The following CCSER1 variants were observed in gnomAD, a reference collection of about 807,000 sequenced individuals.
The protein encoded by CCSER1 is serine-rich coiled-coil domain-containing protein 1.
Under a neutral mutation model 82.0 loss-of-function variants are expected in CCSER1, and 41 were observed. That is an observed-to-expected ratio of 0.50 (90% CI 0.39 to 0.65). The LOEUF (loss-of-function observed/expected upper bound fraction) is 0.65. Ranked by LOEUF, CCSER1 falls within the 30% of genes least tolerant of loss-of-function variation. CCSER1 has a pLI of 0.00. For missense variants in CCSER1, 1,119 were observed against 1,064.2 expected (o/e 1.05, Z -0.72); for synonymous variants, 414 against 383.9 (o/e 1.08, Z -0.92).
chr4:90,501,935 G>A (rs1279424456), intron 5 of CCSER1, among the ~76,000 whole-genome samples: 2 of 152,114 alleles, frequency 1.3e-5, no homozygotes, highest in East Asian at 3.9e-4. Flanking sequence ...ATTGCTGATA[G>A]GACTAATGTA....
At chr4:90,207,680 G>A (rs763507961) in intron 1 of CCSER1, among the ~76,000 whole-genome samples, 1 of 152,090 alleles carries the variant, frequency 6.6e-6, no homozygotes, top group Non-Finnish European at 1.5e-5. Context: ...TGGGGTTTTT[G>A]TGGGGACGTC....
intron 3 of CCSER1, among the ~76,000 whole-genome samples, chr4:90,371,258 A>C (rs1362409433): frequency 1.3e-5 from 2 of 152,050 alleles, no homozygotes; most frequent in Non-Finnish European, 2.9e-5. Context: ...AATAATTGCT[A>C]TTTTGTCTTT....
chr4:90,314,837 C>CTTTT lies in CCSER1; in HGVS notation c.1509+1814_1509+1817dup, dbSNP rs765931168. 3.0e-4 allele frequency among the ~76,000 whole-genome samples: 26 copies of CTTTT among 87,584 alleles called. 3 individuals are homozygous for CTTTT. Among genetic ancestry groups the CTTTT allele is most frequent in the Non-Finnish European group, 4.6e-4 (20 of 43,758 alleles). 57.5% of individuals were successfully genotyped at this position (87,584 alleles called of 152,430 possible). On this transcript the variant is annotated intron_variant, in intron 3 of 10. Transcript: ENST00000509176. ...CACAAAGTCACTCTTCTCAGATTTA[C>CTTTT]TTTTTTTTTTTTTTTTTTTTTTTTT...
intron 1 of CCSER1, among the ~76,000 whole-genome samples, chr4:90,191,371 G>A (rs549586725): frequency 6.6e-6 from 1 of 152,130 alleles, no homozygotes; most frequent in South Asian, 2.1e-4. Context: ...TGGTCAGAAA[G>A]AGGTTTTTTG....
At chr4:90,935,338 G>A (rs1478782628) in intron 9 of CCSER1, among the ~76,000 whole-genome samples, 1 of 152,106 alleles carries the variant, frequency 6.6e-6, no homozygotes, top group Non-Finnish European at 1.5e-5. Context: ...TGTCTCTCCT[G>A]CTTCCTCTCG....
chr4:91,108,883 T>G (rs374522675), intron 10 of CCSER1, among the ~76,000 whole-genome samples: 1 of 152,188 alleles, frequency 6.6e-6, no homozygotes, highest in Non-Finnish European at 1.5e-5. Flanking sequence ...CTAGAGAAGA[T>G]TGGCATTTGA....
chr4:91,149,916 G>A (rs1267622220), intron 10 of CCSER1, among the ~76,000 whole-genome samples: 1 of 152,140 alleles, frequency 6.6e-6, no homozygotes, highest in Admixed American at 6.5e-5. Context: ...GTAGCATGAT[G>A]CCTCCAGCTT....
intron 9 of CCSER1, among the ~76,000 whole-genome samples, chr4:91,050,288 G>A (rs1287815723): frequency 2.6e-5 from 4 of 152,014 alleles, no homozygotes; most frequent in East Asian, 1.9e-4. Context: ...AAAATGAACC[G>A]GGCATGGTGG....
intron 10 of CCSER1, among the ~76,000 whole-genome samples, chr4:91,396,093 G>A (rs1751963742): frequency 6.6e-6 from 1 of 152,058 alleles, no homozygotes; most frequent in African/African-American, 2.4e-5. Flanking sequence ...ATAAACATAA[G>A]TTATTTAGAA....
chr4:90,813,958 C>G (rs1758667120), intron 7 of CCSER1, among the ~76,000 whole-genome samples: 1 of 152,176 alleles, frequency 6.6e-6, no homozygotes, highest in South Asian at 2.1e-4. Flanking sequence ...CTGCACTGCC[C>G]TAGCAGAGGT....
At chr4:90,586,401 A>T (rs968399567) in intron 5 of CCSER1, among the ~76,000 whole-genome samples, 3 of 152,234 alleles carry the variant, frequency 2.0e-5, no homozygotes, top group African/African-American at 7.2e-5. Context: ...TTGCTAAAAT[A>T]TAACTGTCAA....
intron 5 of CCSER1, among the ~76,000 whole-genome samples, chr4:90,537,328 C>G (rs906821145): frequency 6.6e-6 from 1 of 151,894 alleles, no homozygotes; most frequent in East Asian, 1.9e-4. Flanking sequence ...ATATCTTTTT[C>G]GTTTTTAGGG....
intron 8 of CCSER1, among the ~76,000 whole-genome samples, chr4:90,911,677 G>A (rs12641744): frequency 0.11 from 16,243 of 152,164 alleles, 1,298 homozygotes; most frequent in East Asian, 0.22. Flanking sequence ...GAAGCAGGGC[G>A]AGGCATCGCC....
chr4:90,482,981 C>A (rs967596850), intron 5 of CCSER1, among the ~76,000 whole-genome samples: 13 of 152,132 alleles, frequency 8.5e-5, no homozygotes, highest in Non-Finnish European at 1.6e-4. Flanking sequence ...GTGTTAAAGT[C>A]TCCCATTACT....
chr4:91,262,793 T>G (rs1741291601), intron 10 of CCSER1, among the ~76,000 whole-genome samples: 1 of 152,042 alleles, frequency 6.6e-6, no homozygotes, highest in South Asian at 2.1e-4. Flanking sequence ...TAACTCAACA[T>G]TATACGAGTA....
At chr4:91,520,314 T>TC (rs1760387799) in intron 10 of CCSER1, among the ~76,000 whole-genome samples, 1 of 151,974 alleles carries the variant, frequency 6.6e-6, no homozygotes, top group Non-Finnish European at 1.5e-5. Context: ...TCTTTTTTTT[T>TC]TTTAATCAGT....
rs774696306 is a variant in CCSER1 at position 91,370,695 on chromosome 4, CAA to C, written c.2218-227865_2218-227864del. On this transcript the variant is annotated intron_variant, in intron 10 of 10. Transcript: ENST00000509176. ...TGGGCGACAGAATGAGACTCTGTCT[CAA>C]AAAAAAAAAAATTGTTTTATTTTGA... Among the ~76,000 whole-genome samples the C allele has an allele frequency of 1.3e-4, 17 of 132,720 alleles. No homozygotes were observed. In the Middle Eastern group the frequency reaches 0.013, roughly 99 times the overall value. 87.1% of individuals were successfully genotyped at this position (132,720 alleles called of 152,430 possible). A position where few individuals can be genotyped will look rare whatever the true frequency, so the allele number is the denominator to read the frequency against.
At chr4:90,375,236 C>G (rs1354387654) in intron 3 of CCSER1, among the ~76,000 whole-genome samples, 1 of 152,142 alleles carries the variant, frequency 6.6e-6, no homozygotes, top group African/African-American at 2.4e-5. Context: ...TCACTAGGTC[C>G]TCCTGGAATA....
intron 7 of CCSER1, among the ~76,000 whole-genome samples, chr4:90,756,839 C>T (rs1749610086): frequency 6.6e-6 from 1 of 152,028 alleles, no homozygotes. Flanking sequence ...CAAAGTATTT[C>T]TTAAGTTTCA....
Sources: gnomAD v4.1 joint callset for allele counts (sites outside exome capture counted in the v4.1 genomes callset) on GRCh38, gnomAD v4.1.1 for gene constraint, MANE v1.5 for transcripts, NCBI Gene and HGNC (gene_info 2026-07-23, HGNC 2026-07-21) for gene names.